Variants in CSMD1 observed in about 807,000 individuals in gnomAD.
The protein encoded by CSMD1 is CUB and sushi domain-containing protein 1.
Under a neutral mutation model 417.5 loss-of-function variants are expected in CSMD1, and 213 were observed. The observed-to-expected ratio is 0.51, with a 90% CI of 0.46 to 0.57. The LOEUF is 0.57. Among genes scored for constraint, CSMD1 ranks in the 20% least tolerant of loss-of-function variants. CSMD1 has a pLI of 0.00. For synonymous variants in CSMD1, 2,862 were observed against 1,736.8 expected (o/e 1.65, Z -16.11); for missense variants, 6,923 against 4,529.7 (o/e 1.53, Z -15.17).
chr8:4,270,174 G>T (rs77871530), intron 3 of CSMD1, among the ~76,000 whole-genome samples: 2,745 of 152,204 alleles, frequency 0.018, 47 homozygotes, highest in Non-Finnish European at 0.028. Context: ...GGAGGCAAGC[G>T]GTTAGAAAGG....
intron 2 of CSMD1, among the ~76,000 whole-genome samples, chr8:4,465,567 T>C (rs1048481153): frequency 1.3e-5 from 2 of 152,142 alleles, no homozygotes; most frequent in South Asian, 4.1e-4. Context: ...AGTAAAGCAA[T>C]GCCTGTTTTT....
At chr8:4,705,580 G>A (rs887191898) in intron 1 of CSMD1, among the ~76,000 whole-genome samples, 5 of 152,146 alleles carry the variant, frequency 3.3e-5, no homozygotes, top group Middle Eastern at 3.2e-3. Context: ...TGAAAGGCAG[G>A]AGTACTTATT....
At chr8:3,816,057 A>G (rs1801350144) in intron 5 of CSMD1, among the ~76,000 whole-genome samples, 1 of 152,206 alleles carries the variant, frequency 6.6e-6, no homozygotes. Context: ...GTTGGTTCTG[A>G]TGATGACAAT....
intron 2 of CSMD1, among the ~76,000 whole-genome samples, chr8:4,432,175 A>C (rs1417920419): frequency 6.6e-6 from 1 of 152,226 alleles, no homozygotes; most frequent in Non-Finnish European, 1.5e-5. Flanking sequence ...ATTGGCAATT[A>C]TATTGCGAAG....
intron 17 of CSMD1, among the ~76,000 whole-genome samples, chr8:3,389,399 A>G (rs566039438): frequency 6.6e-6 from 1 of 152,306 alleles, no homozygotes; most frequent in South Asian, 2.1e-4. Context: ...TAGTTTGCTA[A>G]GGATAATGAC....
chr8:4,145,218 C>T (rs1217143888), intron 3 of CSMD1, among the ~76,000 whole-genome samples: 1 of 150,962 alleles, frequency 6.6e-6, no homozygotes, highest in Non-Finnish European at 1.5e-5. Context: ...TACAGATCCT[C>T]TTTTCCAAAT....
At position 3,090,400 on chromosome 8, in the gene CSMD1, C is replaced by T. The variant is rs565598460; in HGVS notation, c.7285+1116G>A. ...TTGCTGAATGCAAATCCCATCATTG[C>T]ATCGATGTCTTTGCAGCAAAGGTCT... On this transcript the variant is annotated intron_variant, in intron 48 of 69. Coordinates refer to ENST00000635120, the MANE Select transcript of CSMD1 (RefSeq NM_033225.6). Among the ~76,000 whole-genome samples, 14 of 150,082 alleles carry T rather than the reference C, an allele frequency of 9.3e-5. No individual in the cohort carries two copies. In the South Asian group the frequency reaches 3.0e-3, roughly 32 times the overall value.
chr8:4,785,863 T>G (rs76593011), intron 1 of CSMD1, among the ~76,000 whole-genome samples: 1,597 of 152,270 alleles, frequency 0.01, 13 homozygotes, highest in East Asian at 0.056. Flanking sequence ...TTCATGATCC[T>G]AAGACACAAC....
chr8:3,712,858 T>C (rs1801605811), intron 6 of CSMD1, among the ~76,000 whole-genome samples: 1 of 152,118 alleles, frequency 6.6e-6, no homozygotes, highest in Admixed American at 6.5e-5. Flanking sequence ...CTGGGGGACC[T>C]GGGGAGATGC....
At chr8:4,153,319 G>A (rs1336214506) in intron 3 of CSMD1, among the ~76,000 whole-genome samples, 3 of 152,138 alleles carry the variant, frequency 2.0e-5, no homozygotes, top group South Asian at 4.1e-4. Flanking sequence ...TCTCACTTCC[G>A]ACATTGCCCC....
intron 54 of CSMD1, among the ~76,000 whole-genome samples, chr8:2,991,284 G>C (rs1402541539): frequency 1.3e-5 from 2 of 152,084 alleles, no homozygotes; most frequent in African/African-American, 4.8e-5. Context: ...AGAGCTTTTA[G>C]GTTATATACA....
intron 3 of CSMD1, among the ~76,000 whole-genome samples, chr8:4,042,729 C>G (rs1031534692): frequency 2.0e-5 from 3 of 146,696 alleles, no homozygotes; most frequent in Non-Finnish European, 3.0e-5. Flanking sequence ...ACAGAAATGA[C>G]AGCAATACCA....
At chr8:4,585,692 G>C (rs545401498) in intron 2 of CSMD1, among the ~76,000 whole-genome samples, 2 of 152,298 alleles carry the variant, frequency 1.3e-5, no homozygotes, top group South Asian at 2.1e-4. Flanking sequence ...ATTAAAGCCA[G>C]AGGTAATGAA....
intron 5 of CSMD1, among the ~76,000 whole-genome samples, chr8:3,765,556 A>G (rs1798220780): frequency 6.6e-6 from 1 of 152,232 alleles, no homozygotes; most frequent in Non-Finnish European, 1.5e-5. Flanking sequence ...TGTATGCACT[A>G]AAGCCTTAAC....
At chr8:4,982,820 C>A (rs1462338394) in intron 1 of CSMD1, among the ~76,000 whole-genome samples, 2 of 152,172 alleles carry the variant, frequency 1.3e-5, no homozygotes, top group African/African-American at 4.8e-5. Context: ...CTTTTCAACA[C>A]CCTGACGACA....
chr8:4,168,455 T>C (rs1584947866), intron 3 of CSMD1, among the ~76,000 whole-genome samples: 1 of 152,042 alleles, frequency 6.6e-6, no homozygotes, highest in Non-Finnish European at 1.5e-5. Context: ...CAATATAACG[T>C]ATTTTTAGAA....
chr8:4,366,700 T>G (rs1217019852), intron 3 of CSMD1, among the ~76,000 whole-genome samples: 2 of 151,954 alleles, frequency 1.3e-5, no homozygotes, highest in Non-Finnish European at 1.5e-5. Flanking sequence ...TTTTTTCTTT[T>G]TCTTTTATTT....
At chr8:3,065,694 G>C (rs1280429824) in intron 49 of CSMD1, among the ~76,000 whole-genome samples, 1 of 152,176 alleles carries the variant, frequency 6.6e-6, no homozygotes. Flanking sequence ...CAGGAAGACA[G>C]AGAAAGAAAG....
At chr8:4,644,497 C>G (rs1230317345) in intron 1 of CSMD1, among the ~76,000 whole-genome samples, 10 of 152,174 alleles carry the variant, frequency 6.6e-5, no homozygotes, top group Non-Finnish European at 2.9e-5. Flanking sequence ...GCCTCCACCT[C>G]CCAGGTTCAA....
Sources: gnomAD v4.1 joint callset for allele counts (sites outside exome capture counted in the v4.1 genomes callset) on GRCh38, gnomAD v4.1.1 for gene constraint, MANE v1.5 for transcripts, NCBI Gene and HGNC (gene_info 2026-07-23, HGNC 2026-07-21) for gene names.